Variants in SAMD3 observed in about 807,000 individuals in gnomAD.
SAMD3 encodes sterile alpha motif domain-containing protein 3.
A neutral mutation model predicts 58.5 loss-of-function variants in SAMD3; 63 were observed. That is an observed-to-expected ratio of 1.08 (90% CI 0.88 to 1.33). SAMD3 has a LOEUF of 1.33. Ranked by LOEUF, SAMD3 falls within the 40% of genes most tolerant of loss-of-function variation. The pLI is 0.00. For synonymous variants in SAMD3, 220 were observed against 210.3 expected (o/e 1.05, Z -0.40); for missense variants, 604 against 608.4 (o/e 0.99, Z 0.08).
At chr6:130,277,314 T>A (rs12200674) in intron 2 of SAMD3, among the ~76,000 whole-genome samples, 51,210 of 152,122 alleles carry the variant, frequency 0.34, 8,866 homozygotes, top group East Asian at 0.47. Flanking sequence ...TTAAACTATA[T>A]ACTACATTCC....
At chr6:130,168,906 G>A (rs892464114) in intron 8 of SAMD3, among the ~76,000 whole-genome samples, 22 of 152,078 alleles carry the variant, frequency 1.4e-4, no homozygotes, top group African/African-American at 4.3e-4. Flanking sequence ...TGGCTCAAGC[G>A]GTTCTCACCA....
chr6:130,289,271 C>T (rs1333454992), intron 2 of SAMD3, among the ~76,000 whole-genome samples: 1 of 152,150 alleles, frequency 6.6e-6, no homozygotes, highest in African/African-American at 2.4e-5. Flanking sequence ...ACACACTGTG[C>T]AATAGGGACT....
chr6:130,280,906 T>C (rs888155489), intron 2 of SAMD3, among the ~76,000 whole-genome samples: 15 of 152,338 alleles, frequency 9.8e-5, no homozygotes, highest in African/African-American at 3.4e-4. Context: ...AGTAGTTCTC[T>C]GATACCCTCA....
chr6:130,206,176 G>A (rs1795066643), intron 5 of SAMD3, among the ~76,000 whole-genome samples: 1 of 152,206 alleles, frequency 6.6e-6, no homozygotes, highest in African/African-American at 2.4e-5. Context: ...TGCCCAGGAG[G>A]GGACACCTGA....
intron 2 of SAMD3, among the ~76,000 whole-genome samples, chr6:130,237,043 T>C (rs1398882919): frequency 1.3e-5 from 2 of 152,178 alleles, no homozygotes; most frequent in African/African-American, 4.8e-5. Context: ...TCATCATCAT[T>C]TCTAACTTTA....
intron 2 of SAMD3, among the ~76,000 whole-genome samples, chr6:130,294,968 G>T (rs1349599134): frequency 7.4e-6 from 1 of 134,662 alleles, no homozygotes; most frequent in Non-Finnish European, 1.5e-5. Flanking sequence ...TTGTTGCCCG[G>T]GCTGGAGTGC....
Position 130,286,443 on chromosome 6 carries a change from A to G in SAMD3, c.-188+26535T>C, listed in dbSNP as rs58840208. Among the ~76,000 whole-genome samples, 1,246 of 152,336 alleles carry G rather than the reference A, an allele frequency of 8.2e-3. 17 individuals carry two copies. Among genetic ancestry groups the G allele is most frequent in the African/African-American group, 0.029 (1,190 of 41,576 alleles). ...CAAAGGGATGTCAAGGTTACGGCAC[A>G]GTTCCTTTCTTTTGAAAGAACACTT... On this transcript the variant is annotated intron_variant, in intron 2 of 13. Coordinates refer to the SAMD3 transcript ENST00000368134.
intron 1 of SAMD3, among the ~76,000 whole-genome samples, chr6:130,359,433 T>C (rs1777924182): frequency 6.6e-6 from 1 of 152,170 alleles, no homozygotes; most frequent in Non-Finnish European, 1.5e-5. Flanking sequence ...TTTCTGGAAA[T>C]TGCACACACA....
intron 2 of SAMD3, among the ~76,000 whole-genome samples, chr6:130,278,884 C>T (rs1562495627): frequency 6.6e-6 from 1 of 152,264 alleles, no homozygotes; most frequent in East Asian, 1.9e-4. Context: ...TTACTGCAGC[C>T]TACTGTAGTT....
chr6:130,351,319 T>G (rs1777655719), intron 1 of SAMD3, among the ~76,000 whole-genome samples: 1 of 152,090 alleles, frequency 6.6e-6, no homozygotes, highest in African/African-American at 2.4e-5. Context: ...ATTTTTGCAA[T>G]CTACTCGTCT....
At chr6:130,276,843 G>A (rs1209116865) in intron 2 of SAMD3, among the ~76,000 whole-genome samples, 2 of 152,112 alleles carry the variant, frequency 1.3e-5, no homozygotes, top group African/African-American at 4.8e-5. Context: ...GAAGGCTAGG[G>A]AATGGGTGCT....
At chr6:130,338,519 CT>C (rs1777169826) in intron 1 of SAMD3, among the ~76,000 whole-genome samples, 1 of 152,168 alleles carries the variant, frequency 6.6e-6, no homozygotes, top group African/African-American at 2.4e-5. Flanking sequence ...CACCATGTGC[CT>C]GGAAAAGTCA....
chr6:130,198,643 C>G (rs1194458681), intron 5 of SAMD3, among the ~76,000 whole-genome samples: 1 of 152,152 alleles, frequency 6.6e-6, no homozygotes, highest in Admixed American at 6.5e-5. Flanking sequence ...AAAGAAGTGC[C>G]AGGTTACTAA....
At chr6:130,162,132 G>T in intron 8 of SAMD3, 1 of 620,646 alleles carries the variant, frequency 1.6e-6, no homozygotes, top group South Asian at 1.9e-5. Flanking sequence ...TATAAAGAGC[G>T]TATGCTATGC....
intron 5 of SAMD3, among the ~76,000 whole-genome samples, chr6:130,207,566 G>A (rs993341020): frequency 1.3e-5 from 2 of 152,176 alleles, no homozygotes; most frequent in African/African-American, 4.8e-5. Flanking sequence ...GGGTAGTTGA[G>A]AGCTCATGGC....
chr6:130,191,657 C>T (rs146940348), intron 5 of SAMD3, among the ~76,000 whole-genome samples: 1 of 149,650 alleles, frequency 6.7e-6, no homozygotes, highest in Non-Finnish European at 1.5e-5. Flanking sequence ...CGCAGTTTCT[C>T]GCTTTGTTGA....
intron 9 of SAMD3, among the ~76,000 whole-genome samples, chr6:130,153,666 T>TATATATATATATATATATATG (rs58896049): frequency 1.1e-5 from 1 of 91,158 alleles, no homozygotes; most frequent in Non-Finnish European, 2.3e-5. Context: ...ATATATATAT[T>TATATATATATATATATATATG]TATTTATTTA....
intron 8 of SAMD3, among the ~76,000 whole-genome samples, chr6:130,158,333 T>C (rs1789977548): frequency 6.6e-6 from 1 of 152,084 alleles, no homozygotes; most frequent in Non-Finnish European, 1.5e-5. Context: ...AGTAAGGAAG[T>C]TGGTATTGAT....
intron 8 of SAMD3, among the ~76,000 whole-genome samples, chr6:130,155,689 G>A (rs1437032713): frequency 1.3e-5 from 2 of 152,100 alleles, no homozygotes; most frequent in African/African-American, 4.8e-5. Flanking sequence ...AATCAAAGTT[G>A]ATCAACTGTC....
Sources: gnomAD v4.1 joint callset for allele counts (sites outside exome capture counted in the v4.1 genomes callset) on GRCh38, gnomAD v4.1.1 for gene constraint, MANE v1.5 for transcripts, NCBI Gene and HGNC (gene_info 2026-07-23, HGNC 2026-07-21) for gene names.